Variants in TMEM170B observed in about 807,000 individuals in gnomAD.
TMEM170B encodes the protein transmembrane protein 170B.
In TMEM170B, 6 loss-of-function variants were observed where a neutral mutation model predicts 13.0. That is an observed-to-expected ratio of 0.46 (90% CI 0.25 to 0.91). The LOEUF (loss-of-function observed/expected upper bound fraction) is 0.91. Among genes scored for constraint, TMEM170B ranks in the 40% least tolerant of loss-of-function variants. The probability of loss-of-function intolerance (pLI) is 0.17; values close to 1 mark genes in which losing one functional copy is unlikely to be tolerated. For synonymous variants in TMEM170B, 61 were observed against 64.9 expected (o/e 0.94, Z 0.29); for missense variants, 138 against 165.2 (o/e 0.84, Z 0.90).
chr6:11,542,277 C>T (rs78862547), intron 1 of TMEM170B, among the ~76,000 whole-genome samples: 4,443 of 152,250 alleles, frequency 0.029, 90 homozygotes, highest in Middle Eastern at 0.054. Context: ...GTAAATGTAA[C>T]TTAACTCCTG....
At position 11,582,740 on chromosome 6, in the gene TMEM170B, A is replaced by C. The variant is rs943928423; in HGVS notation, c.*7179A>C. On this transcript the variant is annotated 3_prime_UTR_variant, in exon 3 of 3. Transcript: ENST00000379426. The stretch of plus-strand genomic sequence containing the variant: ...ATTTATTTTTACTATAGAAATACTA[A>C]ATGTACTGTGAAGCTTAAAGACAGG... 3 of 152,174 alleles carry C rather than the reference A, an allele frequency of 2.0e-5. No individual in the cohort carries two copies. Among genetic ancestry groups the C allele is most frequent in the Non-Finnish European group, 2.9e-5 (2 of 68,004 alleles). 9.4% of individuals were successfully genotyped at this position (152,174 alleles called of 1,614,324 possible). A position where few individuals can be genotyped will look rare whatever the true frequency, so the allele number is the denominator to read the frequency against.
Position 11,576,746 on chromosome 6 carries a change from A to G in TMEM170B, c.*1185A>G, listed in dbSNP as rs1018503012. 2.6e-5 allele frequency: 4 copies of G among 152,174 alleles called. No individual in the cohort carries two copies. Among genetic ancestry groups the G allele is most frequent in the African/African-American group, 7.2e-5 (3 of 41,468 alleles). The allele number at this position is 152,174 out of a possible 1,614,324, so 9.4% of individuals were successfully genotyped here. On this transcript the variant is annotated 3_prime_UTR_variant, in exon 3 of 3. Coordinates refer to ENST00000379426, the MANE Select transcript of TMEM170B (RefSeq NM_001100829.3). Reference sequence around the variant, plus strand: ...TAGTAGATAATTTTAAAATTTGGCAATTAGTCTCAGCATATCAATGCAGTA... The same window carrying G: ...TAGTAGATAATTTTAAAATTTGGCAGTTAGTCTCAGCATATCAATGCAGTA...
Position 11,581,214 on chromosome 6 carries a change from A to G in TMEM170B, c.*5653A>G, listed in dbSNP as rs967758048. On this transcript the variant is annotated 3_prime_UTR_variant, in exon 3 of 3. Coordinates refer to ENST00000379426, the MANE Select transcript of TMEM170B (RefSeq NM_001100829.3). ...CATTTATTGCACATATACTGAACTT[A>G]CATAATAACTCTTCCCTGATTTTGA... 6.6e-6 allele frequency: 1 copy of G among 152,200 alleles called. No homozygotes were observed. The highest frequency in any genetic ancestry group is 1.5e-5 in the Non-Finnish European group (1 of 68,036). 9.4% of individuals were successfully genotyped at this position (152,200 alleles called of 1,614,324 possible). A position where few individuals can be genotyped will look rare whatever the true frequency, so the allele number is the denominator to read the frequency against.
At chr6:11,562,571 C>T (rs1169686194) in intron 1 of TMEM170B, among the ~76,000 whole-genome samples, 2 of 151,738 alleles carry the variant, frequency 1.3e-5, no homozygotes, top group Admixed American at 6.6e-5. Flanking sequence ...TCTATTCTTT[C>T]GTTTTTTAAG....
intron 1 of TMEM170B, among the ~76,000 whole-genome samples, chr6:11,551,307 T>G (rs1046198105): frequency 6.6e-6 from 1 of 152,224 alleles, no homozygotes; most frequent in Non-Finnish European, 1.5e-5. Flanking sequence ...TATACCATCA[T>G]GTCTGCTGTA....
At chr6:11,541,652 A>G (rs1382906255) in intron 1 of TMEM170B, among the ~76,000 whole-genome samples, 1 of 152,172 alleles carries the variant, frequency 6.6e-6, no homozygotes, top group African/African-American at 2.4e-5. Context: ...TTCCTTTAAG[A>G]ATTTTTCTTT....
Position 11,575,858 on chromosome 6 carries a change from T to G in TMEM170B, c.*297T>G, listed in dbSNP as rs1285966478. On this transcript the variant is annotated 3_prime_UTR_variant, in exon 3 of 3. Coordinates refer to ENST00000379426, the MANE Select transcript of TMEM170B (RefSeq NM_001100829.3). This position sits in a 1 kb window ranked among gnomAD's most constrained non-coding sequence, Gnocchi z 4.1. ...CAGGTTAACATTGGTGTTGAAATCA[T>G]CGTTCCTAACAGTGTTATGTTAAGT... 1.3e-5 allele frequency: 3 copies of G among 227,706 alleles called. No homozygotes were observed. The highest frequency in any genetic ancestry group is 2.6e-5 in the Non-Finnish European group (3 of 114,858). 14.1% of individuals were successfully genotyped at this position (227,706 alleles called of 1,614,324 possible). A position where few individuals can be genotyped will look rare whatever the true frequency, so the allele number is the denominator to read the frequency against.
chr6:11,553,269 A>G (rs1412867995), intron 1 of TMEM170B, among the ~76,000 whole-genome samples: 1 of 152,144 alleles, frequency 6.6e-6, no homozygotes, highest in East Asian at 1.9e-4. Context: ...TGTATGTTGG[A>G]CCCATGCACT....
In TMEM170B at chr6:11,581,698, G is replaced by T. The variant is rs1759959686; in HGVS notation, c.*6137G>T. The T allele has an allele frequency of 6.6e-6, 1 of 152,174 alleles. No homozygotes were observed. The allele number at this position is 152,174 out of a possible 1,614,324, so 9.4% of individuals were successfully genotyped here. A position where few individuals can be genotyped will look rare whatever the true frequency, so the allele number is the denominator to read the frequency against. The stretch of plus-strand genomic sequence containing the variant: ...TTATTCTGTCTTGCTGAATTAAGCA[G>T]AAATCACTTTTTTTAGAGCCTTGTT... On this transcript the variant is annotated 3_prime_UTR_variant, in exon 3 of 3. Transcript: ENST00000379426.
intron 1 of TMEM170B, 96 bp downstream of exon 1, chr6:11,538,470 C>A: frequency 2.2e-6 from 2 of 901,552 alleles, no homozygotes; most frequent in Non-Finnish European, 3.2e-6. Flanking sequence ...CCGCCCCACC[C>A]CCGTGCGCGC....
intron 1 of TMEM170B, among the ~76,000 whole-genome samples, chr6:11,557,936 G>T (rs1054994299): frequency 8.6e-5 from 13 of 151,916 alleles, no homozygotes; most frequent in Non-Finnish European, 1.5e-5. Flanking sequence ...AAGTGACAGG[G>T]TCTCACTCCA....
At chr6:11,564,152 T>C (rs1482200177) in intron 1 of TMEM170B, among the ~76,000 whole-genome samples, 1 of 149,024 alleles carries the variant, frequency 6.7e-6, no homozygotes, top group Non-Finnish European at 1.5e-5. Flanking sequence ...GACTCTTGAG[T>C]TGCTATCACC....
chr6:11,568,061 A>C (rs376252003), intron 2 of TMEM170B, among the ~76,000 whole-genome samples: 5 of 152,316 alleles, frequency 3.3e-5, no homozygotes, highest in African/African-American at 1.2e-4. Context: ...AACATAATGG[A>C]TATGCAAAAC....
chr6:11,555,420 G>A (rs1001797718), intron 1 of TMEM170B, among the ~76,000 whole-genome samples: 6 of 151,840 alleles, frequency 4.0e-5, no homozygotes, highest in Non-Finnish European at 8.8e-5. Context: ...GGAAGTGGGA[G>A]GTATTTATCT....
chr6:11,578,047 T>A lies in TMEM170B; in HGVS notation c.*2486T>A, dbSNP rs2113788353. The A allele has an allele frequency of 6.6e-6, 1 of 152,198 alleles. No individual in the cohort carries two copies. The highest frequency in any genetic ancestry group is 1.5e-5 in the Non-Finnish European group (1 of 67,946). The allele number at this position is 152,198 out of a possible 1,614,324, so 9.4% of individuals were successfully genotyped here. A position where few individuals can be genotyped will look rare whatever the true frequency, so the allele number is the denominator to read the frequency against. ...ATACACACACGTATATATCATTATA[T>A]AGGTATATAGAGAGCTGCTATATAT... On this transcript the variant is annotated 3_prime_UTR_variant, in exon 3 of 3. Transcript: ENST00000379426.
chr6:11,571,859 G>C lies in TMEM170B; in HGVS notation c.269-3572G>C, dbSNP rs963005457. 1.7e-4 allele frequency among the ~76,000 whole-genome samples: 26 copies of C among 151,876 alleles called. 1 individual carries two copies. Among genetic ancestry groups the C allele is most frequent in the Admixed American group, 1.7e-3 (26 of 15,228 alleles). ...GACTCAAGTTATAAAAAGACAACCC[G>C]GTAGAAAAGTGAATAAAGGACTTAA... is the stretch of plus-strand genomic sequence containing the variant. On this transcript the variant is annotated intron_variant, in intron 2 of 2. Coordinates refer to ENST00000379426, the MANE Select transcript of TMEM170B (RefSeq NM_001100829.3).
At chr6:11,567,349 G>T (rs1177052884) in intron 2 of TMEM170B, among the ~76,000 whole-genome samples, 1 of 152,224 alleles carries the variant, frequency 6.6e-6, no homozygotes, top group East Asian at 1.9e-4. Flanking sequence ...GTCAGGGGCA[G>T]CTCACTGCTA....
intron 1 of TMEM170B, among the ~76,000 whole-genome samples, chr6:11,546,440 T>C (rs1315473410): frequency 6.6e-6 from 1 of 152,210 alleles, no homozygotes; most frequent in African/African-American, 2.4e-5. Context: ...AAAAATATTT[T>C]AAAAATAAAT....
rs1348046043 is a variant in TMEM170B, at chr6:11,580,013, TTTTA to T, written c.*4464_*4467del. 5 of 154,394 alleles carry T rather than the reference TTTTA, an allele frequency of 3.2e-5. No individual in the cohort carries two copies. The highest frequency in any genetic ancestry group is 7.2e-5 in the Non-Finnish European group (5 of 69,802). 9.6% of individuals were successfully genotyped at this position (154,394 alleles called of 1,614,324 possible). A position where few individuals can be genotyped will look rare whatever the true frequency, so the allele number is the denominator to read the frequency against. ...TAAGCCCTAGCTGTTATTTTGTTTCTTTTATTTATTTATTTTTTGAGACGGAGTT... is the reference window on the plus strand; with the variant it reads ...TAAGCCCTAGCTGTTATTTTGTTTCTTTTATTTATTTTTTGAGACGGAGTT... On this transcript the variant is annotated 3_prime_UTR_variant, in exon 3 of 3. Transcript: ENST00000379426.
Sources: gnomAD v4.1 joint callset for allele counts (sites outside exome capture counted in the v4.1 genomes callset) on GRCh38, gnomAD v4.1.1 for gene constraint, Gnocchi (gnomAD v3.1) non-coding constraint, MANE v1.5 for transcripts, NCBI Gene and HGNC (gene_info 2026-07-23, HGNC 2026-07-21) for gene names.